Variants in KMT2C observed in about 807,000 individuals in gnomAD.
KMT2C encodes the protein histone-lysine N-methyltransferase 2C.
In KMT2C, 88 loss-of-function variants were observed where a neutral mutation model predicts 507.9. The ratio of observed to expected loss-of-function variants is 0.17; its 90% CI spans 0.15 to 0.21. The LOEUF (loss-of-function observed/expected upper bound fraction) is 0.21. Ranked by LOEUF, KMT2C falls within the 10% of genes least tolerant of loss-of-function variation. The pLI is 1.00. For synonymous variants in KMT2C, 2,049 were observed against 2,080.8 expected, an observed-to-expected ratio of 0.98 and a Z score of 0.42; for missense variants, 4,954 against 5,957.8, an observed-to-expected ratio of 0.83 and a Z score of 5.55.
chr7:152,361,655 C>T (rs1191864869), intron 1 of KMT2C, among the ~76,000 whole-genome samples: 1 of 151,644 alleles, frequency 6.6e-6, no homozygotes, highest in Admixed American at 6.6e-5. Flanking sequence ...TTTGATCAAT[C>T]CAACAGCAGG....
rs1264172233 is a variant in KMT2C, at chr7:152,146,641, C to A, written c.13989G>T (p.Leu4663=). Residue 4663 remains leucine (L), a synonymous_variant, in exon 53 of 59, where the codon CTG becomes CTT. Coordinates refer to ENST00000262189, the MANE Select transcript of KMT2C (RefSeq NM_170606.3). ...CCACTGCAGAGACGGTCAGGCCAAA[C>A]AGATCCTCTCCTTTTAAATACGCTG... is the stretch of plus-strand genomic sequence containing the variant. ...LFPAYLKGED[L]FGLTVSAVAR... The A allele has an allele frequency of 6.2e-7, 1 of 1,614,204 alleles. No homozygotes were observed. Among genetic ancestry groups the A allele is most frequent in the South Asian group, 1.1e-5 (1 of 91,088 alleles).
chr7:152,159,002 C>T lies in KMT2C; in HGVS notation c.11531G>A (p.Ser3844Asn). ...GNQLPKTDGG[S>N]ETKKQRSKRT... ...TTTGCTTCGCTGTTTCTTGGTTTCA[C>T]TTCCTCCATCTGTTTTTGGCAACTG... The change falls in exon 44 of 59, where the codon AGT becomes AAT. Residue 3844 changes from serine (S) to asparagine (N), a missense_variant. Physicochemically the swap from Ser to Asn is conservative, Grantham distance 46 (BLOSUM62 1). This residue lies in a region of KMT2C where 801 missense variants were observed against 751.2 expected (regional missense o/e 1.07). Coordinates refer to ENST00000262189, the MANE Select transcript of KMT2C (RefSeq NM_170606.3). 1 of 1,614,234 alleles carries T rather than the reference C, an allele frequency of 6.2e-7. No individual in the cohort carries two copies. The highest frequency in any genetic ancestry group is 1.7e-5 in the Admixed American group (1 of 60,032).
intron 14 of KMT2C, among the ~76,000 whole-genome samples, chr7:152,245,192 T>C (rs1449189592): frequency 1.3e-5 from 2 of 152,256 alleles, no homozygotes; most frequent in Non-Finnish European, 2.9e-5. Context: ...TCTACTTCAG[T>C]CCTTAAAAAT....
intron 2 of KMT2C, among the ~76,000 whole-genome samples, chr7:152,345,325 C>T (rs1307222421): frequency 6.6e-6 from 1 of 151,940 alleles, no homozygotes; most frequent in Admixed American, 6.6e-5. Flanking sequence ...ACAGGTAGTC[C>T]CAGCTACTTG....
At chr7:152,342,253 T>C (rs767817427) in intron 2 of KMT2C, among the ~76,000 whole-genome samples, 1 of 152,192 alleles carries the variant, frequency 6.6e-6, no homozygotes, top group Non-Finnish European at 1.5e-5. Context: ...TAGACATCAT[T>C]AGTGGAAATC....
Position 152,154,253 on chromosome 7 carries a change from A to C in KMT2C, c.12139+14T>G, listed in dbSNP as rs200565228. 3.0e-5 allele frequency: 49 copies of C among 1,613,898 alleles called. No homozygotes were observed. Among genetic ancestry groups the C allele is most frequent in the African/African-American group, 4.0e-5 (3 of 75,054 alleles). On this transcript the variant is annotated intron_variant, in intron 47 of 58. Coordinates refer to ENST00000262189, the MANE Select transcript of KMT2C (RefSeq NM_170606.3). ...AGTGTAAAGGGAAATAATAAGGTTA[A>C]GTGTTGTTCTTACTTTTCCCAGCAG...
intron 7 of KMT2C, among the ~76,000 whole-genome samples, chr7:152,271,673 CAAAAAA>C (rs35698920): frequency 7.3e-5 from 4 of 55,004 alleles, no homozygotes; most frequent in African/African-American, 2.5e-4. Flanking sequence ...GACTCCATCT[CAAAAAA>C]AAAAAAAAAA....
At chr7:152,205,002 C>A (rs2129137065) in intron 25 of KMT2C, 104 bp downstream of exon 25, 1 of 665,426 alleles carries the variant, frequency 1.5e-6, no homozygotes, top group Non-Finnish European at 2.6e-6. Context: ...GGCAATAAGG[C>A]TCTTATTGAC....
At chr7:152,297,057 G>GACAGACAGACAGAC (rs756980169) in intron 6 of KMT2C, among the ~76,000 whole-genome samples, 2 of 90,696 alleles carry the variant, frequency 2.2e-5, no homozygotes, top group African/African-American at 9.6e-5. Flanking sequence ...AAGAAAGACA[G>GACAGACAGACAGAC]AGAGAGAGAG....
intron 6 of KMT2C, among the ~76,000 whole-genome samples, chr7:152,307,247 A>T (rs1343447426): frequency 2.4e-5 from 3 of 122,860 alleles, no homozygotes; most frequent in African/African-American, 1.2e-4. Flanking sequence ...GGAAGGAAGG[A>T]AGGACGGTAG....
intron 44 of KMT2C, among the ~76,000 whole-genome samples, chr7:152,156,673 CTT>C (rs2092071447): frequency 6.6e-6 from 1 of 152,142 alleles, no homozygotes; most frequent in Non-Finnish European, 1.5e-5. Flanking sequence ...TGAAGGATAA[CTT>C]TAAAATGCAA....
At chr7:152,364,970 C>CAT (rs398006772) in intron 1 of KMT2C, among the ~76,000 whole-genome samples, 1 of 151,204 alleles carries the variant, frequency 6.6e-6, no homozygotes, top group Non-Finnish European at 1.5e-5. Context: ...CACACACACA[C>CAT]GTACCAGTAA....
chr7:152,234,317 T>TG (rs1237084263), intron 16 of KMT2C, among the ~76,000 whole-genome samples: 3 of 151,226 alleles, frequency 2.0e-5, no homozygotes, highest in African/African-American at 7.3e-5. Flanking sequence ...TGGGAGGCAG[T>TG]GGTTGCATGA....
At chr7:152,249,550 A>G (rs2095529186) in intron 13 of KMT2C, among the ~76,000 whole-genome samples, 3 of 151,450 alleles carry the variant, frequency 2.0e-5, no homozygotes, top group African/African-American at 7.3e-5. Context: ...ACATGTTCTG[A>G]TATCAAACTG....
chr7:152,351,446 C>T lies in KMT2C; in HGVS notation c.250+7141G>A, dbSNP rs191016652. 7.2e-3 allele frequency among the ~76,000 whole-genome samples: 1,097 copies of T among 152,228 alleles called. 11 individuals carry two copies. Among genetic ancestry groups the T allele is most frequent in the Middle Eastern group, 0.034 (10 of 294 alleles). ...CATATTGAGGTGACAGAAATTTCTC[C>T]GCTCCATTATAATTTTATGGGACTA... On this transcript the variant is annotated intron_variant, in intron 2 of 58. Transcript: ENST00000262189.
chr7:152,303,239 A>G (rs879518988), intron 6 of KMT2C, among the ~76,000 whole-genome samples: 2 of 152,228 alleles, frequency 1.3e-5, no homozygotes, highest in Non-Finnish European at 2.9e-5. Context: ...CATGTTAACA[A>G]CCGAGGAAAT....
chr7:152,195,995 T>C lies in KMT2C; in HGVS notation c.4290A>G (p.Pro1430=). ...TTAAAACTTCAGAAATATCAGCTAA[T>C]GGGTCATCAGCAGGACCTAAATATA... ...KSGTHGPADD[P]LADISEVLNT... is the part of the protein sequence containing the mutation. Residue 1430 remains proline (P), a synonymous_variant, in exon 28 of 59, where the codon CCA becomes CCG. Transcript: ENST00000262189. 1 of 1,602,424 alleles carries C rather than the reference T, an allele frequency of 6.2e-7. No individual in the cohort carries two copies. The highest frequency in any genetic ancestry group is 8.5e-7 in the Non-Finnish European group (1 of 1,171,238).
chr7:152,176,435 T>C lies in KMT2C; in HGVS notation c.9018A>G (p.Thr3006=), dbSNP rs200599161. The C allele has an allele frequency of 6.2e-7, 1 of 1,614,234 alleles. No individual in the cohort carries two copies. The highest frequency in any genetic ancestry group is 8.5e-7 in the Non-Finnish European group (1 of 1,180,040). ...GQSTVNHSLG[T]GKPATQTGPQ... is the part of the protein sequence containing the mutation. ...GCCCAGTTTGAGTTGCAGGTTTTCC[T>C]GTCCCCAGACTGTGGTTAACTGTTG... is the stretch of plus-strand genomic sequence containing the variant. Residue 3006 remains threonine (T), a synonymous_variant, in exon 38 of 59, where the codon ACA becomes ACG. Transcript: ENST00000262189.
intron 3 of KMT2C, among the ~76,000 whole-genome samples, chr7:152,328,515 G>A (rs2096851518): frequency 6.6e-6 from 1 of 152,114 alleles, no homozygotes; most frequent in Non-Finnish European, 1.5e-5. Flanking sequence ...GAGGCAGTCA[G>A]GAACAGATCA....
Sources: allele counts gnomAD v4.1 joint callset (sites outside exome capture counted in the v4.1 genomes callset), GRCh38; gene constraint gnomAD v4.1.1; regional missense constraint gnomAD v4.1.1; transcripts MANE v1.5; gene names NCBI Gene and HGNC (gene_info 2026-07-23, HGNC 2026-07-21).